Variants in SORL1 observed in about 807,000 individuals in gnomAD.
The protein encoded by SORL1 is sortilin-related receptor.
SORL1 carries 127 observed loss-of-function variants against 273.7 expected under a neutral mutation model. The ratio of observed to expected loss-of-function variants is 0.46; its 90% CI spans 0.40 to 0.54. The LOEUF (loss-of-function observed/expected upper bound fraction) is 0.54. Ranked by LOEUF, SORL1 falls within the 20% of genes least tolerant of loss-of-function variation. The pLI is 0.00. For synonymous variants in SORL1, 1,031 were observed against 1,067.4 expected, an observed-to-expected ratio of 0.97 and a Z score of 0.66; for missense variants, 2,494 against 2,846.1, an observed-to-expected ratio of 0.88 and a Z score of 2.81.
intron 1 of SORL1, among the ~76,000 whole-genome samples, chr11:121,457,353 C>T (rs968119318): frequency 3.9e-5 from 6 of 152,218 alleles, no homozygotes; most frequent in Non-Finnish European, 7.3e-5. Flanking sequence ...ATTTCCTTCC[C>T]TCTCATGCCC....
At chr11:121,575,980 C>T (rs890962658) in intron 24 of SORL1, among the ~76,000 whole-genome samples, 6 of 152,212 alleles carry the variant, frequency 3.9e-5, no homozygotes, top group East Asian at 1.9e-4. Flanking sequence ...AGGTCCTCTT[C>T]GTAAGTTTCC....
Position 121,625,071 on chromosome 11 carries a change from G to A in SORL1, c.6172-14G>A. 2.5e-6 allele frequency: 4 copies of A among 1,590,644 alleles called. No individual in the cohort carries two copies. Among genetic ancestry groups the A allele is most frequent in the African/African-American group, 1.3e-5 (1 of 74,492 alleles). On this transcript the variant is annotated splice_polypyrimidine_tract_variant and intron_variant, in intron 45 of 47. Coordinates refer to ENST00000260197, the MANE Select transcript of SORL1 (RefSeq NM_003105.6). Reference sequence around the variant, plus strand: ...TATTCGACTTCCTGAGCAATCTCTTGTGTTTGTTTTCAGGGCTATGAGATA... The same window carrying A: ...TATTCGACTTCCTGAGCAATCTCTTATGTTTGTTTTCAGGGCTATGAGATA...
chr11:121,589,297 G>C lies in SORL1; in HGVS notation c.3985G>C (p.Gly1329Arg). The change falls in exon 29 of 48, where the codon GGT (glycine) becomes CGT (arginine). Residue 1329 changes from glycine (G) to arginine (R), a missense_variant. By Grantham distance (125) the Gly-to-Arg change is moderately radical. Around this residue, in one of 3 missense-constraint regions of SORL1, gnomAD observed 1,609 missense variants for 1,816.4 expected, o/e 0.89. Coordinates refer to ENST00000260197, the MANE Select transcript of SORL1 (RefSeq NM_003105.6). ...GTTCCACAAGGTATGTGATGAGTTC[G>C]GTTTCCAGTGTCAGAATGGAGTGTG... ...PEFHKVCDEF[G>R]FQCQNGVCIS... 2 of 1,613,684 alleles carry C rather than the reference G, an allele frequency of 1.2e-6. No homozygotes were observed. Among genetic ancestry groups the C allele is most frequent in the Non-Finnish European group, 1.7e-6 (2 of 1,179,594 alleles).
At chr11:121,489,945 C>A in intron 4 of SORL1, 98 bp from the exon 5 acceptor site, 1 of 862,674 alleles carries the variant, frequency 1.2e-6, no homozygotes, top group East Asian at 2.5e-5. Flanking sequence ...TCACAGACAG[C>A]GTGTCATGGA....
chr11:121,559,188 A>G lies in SORL1; in HGVS notation c.2911-331A>G, dbSNP rs114542345. 2.0e-3 allele frequency among the ~76,000 whole-genome samples: 302 copies of G among 152,256 alleles called. 3 individuals are homozygous for G. The highest frequency in any genetic ancestry group is 7.0e-3 in the African/African-American group (290 of 41,538). ...GATGACTTCCGGTGAGCTCTGCACC[A>G]CCTATAGTGCCTTGCAGTTCTTTTT... On this transcript the variant is annotated intron_variant, in intron 20 of 47. Coordinates refer to ENST00000260197, the MANE Select transcript of SORL1 (RefSeq NM_003105.6).
Position 121,612,292 on chromosome 11 carries a change from T to C in SORL1, c.5323-444T>C, listed in dbSNP as rs1295406590. 2.0e-5 allele frequency: 3 copies of C among 153,642 alleles called. No individual in the cohort carries two copies. In the East Asian group the frequency reaches 5.7e-4, roughly 29 times the overall value. 9.5% of individuals were successfully genotyped at this position (153,642 alleles called of 1,614,324 possible). ...TTATGAGCTCAGGACTTGGAAAAGGTAGTCTTTCCTGATGGGTGGATGTAT... is the reference window on the plus strand; with the variant it reads ...TTATGAGCTCAGGACTTGGAAAAGGCAGTCTTTCCTGATGGGTGGATGTAT... On this transcript the variant is annotated intron_variant, in intron 39 of 47. Transcript: ENST00000260197.
chr11:121,607,221 C>A lies in SORL1; in HGVS notation c.5097C>A (p.Ala1699=). 1 of 1,612,566 alleles carries A rather than the reference C, an allele frequency of 6.2e-7. No homozygotes were observed. The highest frequency in any genetic ancestry group is 1.3e-5 in the African/African-American group (1 of 74,982). Residue 1699 remains alanine (A), a synonymous_variant, in exon 37 of 48, where the codon GCC becomes GCA. Transcript: ENST00000260197. ...GCAGGAGTGGTTCCAAGATGTGGGC[C>A]TCCCAGAGGGCTGCTAGTAACTTTA... The part of the protein sequence containing the change: ...EYSRSGSKMW[A]SQRAASNFTE...
chr11:121,589,196 C>T, intron 28 of SORL1, 63 bp from the exon 29 acceptor site: 1 of 1,593,960 alleles, frequency 6.3e-7, no homozygotes, highest in Admixed American at 1.7e-5. Context: ...CTGGGCACCA[C>T]TGCTGCTTCG....
At chr11:121,537,505 T>C (rs1862283839) in intron 12 of SORL1, among the ~76,000 whole-genome samples, 1 of 152,128 alleles carries the variant, frequency 6.6e-6, no homozygotes, top group Non-Finnish European at 1.5e-5. Context: ...CAGGGCTGTA[T>C]ATTAAATGCA....
intron 1 of SORL1, among the ~76,000 whole-genome samples, chr11:121,457,616 A>G (rs1024312025): frequency 2.6e-5 from 4 of 152,244 alleles, no homozygotes; most frequent in African/African-American, 9.6e-5. Context: ...TATAAAATAG[A>G]TGATTACTTT....
intron 32 of SORL1, among the ~76,000 whole-genome samples, chr11:121,600,672 A>G (rs1335001022): frequency 6.6e-6 from 1 of 152,204 alleles, no homozygotes; most frequent in Non-Finnish European, 1.5e-5. Flanking sequence ...TAAAATCAAG[A>G]TGTGTTATAT....
At chr11:121,520,926 G>GTA (rs1862032770) in intron 9 of SORL1, 77 bp downstream of exon 9, 7 of 984,348 alleles carry the variant, frequency 7.1e-6, no homozygotes, top group Non-Finnish European at 4.3e-6. Flanking sequence ...CCTATGTCTA[G>GTA]TATTTATTGA....
chr11:121,625,033 C>G, intron 45 of SORL1, 52 bp from the exon 46 acceptor site: 1 of 1,322,096 alleles, frequency 7.6e-7, no homozygotes, highest in Non-Finnish European at 1.1e-6. Flanking sequence ...GTAATAGAGG[C>G]TGTCAGTTTC....
chr11:121,484,219 C>T (rs1383440503), intron 3 of SORL1, among the ~76,000 whole-genome samples: 3 of 152,152 alleles, frequency 2.0e-5, no homozygotes, highest in African/African-American at 7.2e-5. Flanking sequence ...TCTTGACTTT[C>T]CCTTTTAGCA....
chr11:121,517,158 G>A (rs143746577), intron 8 of SORL1, among the ~76,000 whole-genome samples: 56 of 152,252 alleles, frequency 3.7e-4, no homozygotes, highest in African/African-American at 9.6e-4. Context: ...TTGTGCCACC[G>A]CCACCTCTGT....
intron 29 of SORL1, 79 bp from the exon 30 acceptor site, chr11:121,589,961 G>C: frequency 1.3e-6 from 2 of 1,545,626 alleles, no homozygotes; most frequent in Non-Finnish European, 1.8e-6. Flanking sequence ...CTTGGGTCTG[G>C]AGGAGGATGC....
intron 44 of SORL1, among the ~76,000 whole-genome samples, 176 bp downstream of exon 44, chr11:121,621,414 C>T (rs1348170424): frequency 1.3e-5 from 2 of 152,168 alleles, no homozygotes; most frequent in East Asian, 1.9e-4. Context: ...TGAGCCGTGG[C>T]GTGGTGGCCA....
At chr11:121,560,915 C>G (rs746199107) in intron 21 of SORL1, among the ~76,000 whole-genome samples, 5 of 152,166 alleles carry the variant, frequency 3.3e-5, no homozygotes, top group Non-Finnish European at 7.4e-5. Context: ...TGTTGCAATT[C>G]TGCCGCTAAA....
intron 5 of SORL1, among the ~76,000 whole-genome samples, chr11:121,492,333 C>G (rs1861565526): frequency 6.6e-6 from 1 of 152,094 alleles, no homozygotes; most frequent in Non-Finnish European, 1.5e-5. Flanking sequence ...TGCACTCCAG[C>G]CTGTGCGACA....
Sources: gnomAD v4.1 joint callset for allele counts (sites outside exome capture counted in the v4.1 genomes callset) on GRCh38, gnomAD v4.1.1 for gene constraint, gnomAD v4.1.1 regional missense constraint, MANE v1.5 for transcripts, NCBI Gene and HGNC (gene_info 2026-07-23, HGNC 2026-07-21) for gene names.